The following STAT3 variants were observed in gnomAD, a reference collection of about 807,000 sequenced individuals.
The protein encoded by STAT3 is signal transducer and activator of transcription 3, also known as DNA-binding protein APRF.
Under a neutral mutation model 114.3 loss-of-function variants are expected in STAT3, and 7 were observed. The ratio of observed to expected loss-of-function variants is 0.06; its 90% CI spans 0.03 to 0.11. STAT3 has a LOEUF of 0.11. Ranked by LOEUF, STAT3 falls within the 10% of genes least tolerant of loss-of-function variation. The pLI is 1.00. For missense variants in STAT3, 364 were observed against 960.9 expected (o/e 0.38, Z 8.21); for synonymous variants, 331 against 354.5 (o/e 0.93, Z 0.74).
chr17:42,334,150 A>G, intron 8 of STAT3, 101 bp from the exon 9 acceptor site: 1 of 1,359,004 alleles, frequency 7.4e-7, no homozygotes, highest in Non-Finnish European at 1.0e-6. Context: ...CCACTACAAT[A>G]AGAACAAGGA....
chr17:42,318,298 T>G (rs2081331608), intron 21 of STAT3, among the ~76,000 whole-genome samples: 1 of 152,056 alleles, frequency 6.6e-6, no homozygotes, highest in Non-Finnish European at 1.5e-5. Flanking sequence ...ATTTTTTTTT[T>G]GTAATTTTAG....
At chr17:42,376,043 C>T (rs1007420885) in intron 1 of STAT3, among the ~76,000 whole-genome samples, 6 of 151,086 alleles carry the variant, frequency 4.0e-5, no homozygotes, top group East Asian at 1.9e-4. Flanking sequence ...CCCAGCTACT[C>T]GGGAGGCTGA....
chr17:42,335,324 G>A (rs933100218), intron 8 of STAT3, among the ~76,000 whole-genome samples: 3 of 152,068 alleles, frequency 2.0e-5, no homozygotes, highest in African/African-American at 7.2e-5. Flanking sequence ...GTCTCACTCT[G>A]TCACCCAGGC....
chr17:42,371,220 AAG>A (rs1203826749), intron 1 of STAT3, among the ~76,000 whole-genome samples: 2 of 152,018 alleles, frequency 1.3e-5, no homozygotes, highest in Non-Finnish European at 2.9e-5. Flanking sequence ...AGAAAAGTTT[AAG>A]AGTTATATTT....
intron 1 of STAT3, among the ~76,000 whole-genome samples, chr17:42,354,740 G>C (rs2083145233): frequency 6.7e-6 from 1 of 148,346 alleles, no homozygotes; most frequent in Non-Finnish European, 1.5e-5. Context: ...CTGGGAGGCA[G>C]AGGTTGCAGT....
At chr17:42,366,625 T>G (rs1385962739) in intron 1 of STAT3, among the ~76,000 whole-genome samples, 1 of 143,926 alleles carries the variant, frequency 6.9e-6, no homozygotes, top group Non-Finnish European at 1.5e-5. Flanking sequence ...AAGCTGAGAT[T>G]GCACCACTGC....
chr17:42,318,462 A>T (rs2081338902), intron 21 of STAT3, among the ~76,000 whole-genome samples: 1 of 152,142 alleles, frequency 6.6e-6, no homozygotes, highest in African/African-American at 2.4e-5. Context: ...TCTTTTATGT[A>T]TAAAATAAGA....
chr17:42,355,504 T>C (rs944277574), intron 1 of STAT3, among the ~76,000 whole-genome samples: 2 of 152,164 alleles, frequency 1.3e-5, no homozygotes, highest in African/African-American at 2.4e-5. Context: ...CAGCAGATAG[T>C]AGATGCACTG....
chr17:42,356,320 G>A (rs988709220), intron 1 of STAT3, among the ~76,000 whole-genome samples: 2 of 152,004 alleles, frequency 1.3e-5, no homozygotes, highest in Admixed American at 6.6e-5. Context: ...ATGTTGCCAG[G>A]TGTGGTGGTC....
intron 11 of STAT3, among the ~76,000 whole-genome samples, chr17:42,330,928 C>T (rs905934092): frequency 1.1e-4 from 16 of 152,082 alleles, no homozygotes; most frequent in Non-Finnish European, 2.1e-4. Flanking sequence ...TGATGGTGGT[C>T]CCATAAGATT....
In STAT3 at chr17:42,313,996, G is replaced by A. The variant is rs769760865; in HGVS notation, c.*1749C>T. Reference sequence around the variant, plus strand: ...AGCTGAGGCAAGGTGGTTTTGAGTTGCCAAATCCGGCCATGCCTCTGAGTC... The same window carrying A: ...AGCTGAGGCAAGGTGGTTTTGAGTTACCAAATCCGGCCATGCCTCTGAGTC... On this transcript the variant is annotated 3_prime_UTR_variant, in exon 24 of 24. Coordinates refer to ENST00000264657, the MANE Select transcript of STAT3 (RefSeq NM_139276.3). The A allele has an allele frequency of 2.2e-5, 5 of 230,526 alleles. No individual in the cohort carries two copies. The highest frequency in any genetic ancestry group is 5.7e-5 in the Admixed American group (1 of 17,662). 14.3% of individuals were successfully genotyped at this position (230,526 alleles called of 1,614,324 possible).
chr17:42,333,775 G>C lies in STAT3; in HGVS notation c.957-10C>G. The stretch of plus-strand genomic sequence containing the variant: ...CTCCACCACAAAGGCACTGAGGAAA[G>C]AGAAGATGGGCTCACGCGCCACGGC... On this transcript the variant is annotated splice_polypyrimidine_tract_variant and intron_variant, in intron 9 of 23. Coordinates refer to ENST00000264657, the MANE Select transcript of STAT3 (RefSeq NM_139276.3). This position sits in a 1 kb window ranked among gnomAD's most constrained non-coding sequence, Gnocchi z 5.2. The C allele has an allele frequency of 1.2e-6, 2 of 1,614,204 alleles. No individual in the cohort carries two copies. Among genetic ancestry groups the C allele is most frequent in the Non-Finnish European group, 1.7e-6 (2 of 1,180,040 alleles).
At chr17:42,367,642 T>C (rs1343979646) in intron 1 of STAT3, among the ~76,000 whole-genome samples, 1 of 152,202 alleles carries the variant, frequency 6.6e-6, no homozygotes, top group Non-Finnish European at 1.5e-5. Flanking sequence ...GACACCCCTC[T>C]ATCTAAAACA....
chr17:42,340,596 C>A (rs1033848881), intron 4 of STAT3, among the ~76,000 whole-genome samples: 3 of 152,002 alleles, frequency 2.0e-5, no homozygotes, highest in Non-Finnish European at 4.4e-5. Flanking sequence ...GTGGGAGGAT[C>A]ATTTAAGTCC....
chr17:42,345,445 T>G (rs1053939438), intron 4 of STAT3, 114 bp downstream of exon 4: 45 of 866,840 alleles, frequency 5.2e-5, no homozygotes, highest in Admixed American at 1.3e-4. Context: ...TGATTATTGA[T>G]CTATTTAATT....
At position 42,352,411 on chromosome 17, in the gene STAT3, G is replaced by A. The variant is rs111982743; in HGVS notation, c.-23-3872C>T. ...CCACAGGACAAATGCTGCCTGGGCA[G>A]TGGTACAGGTACACTAAGCACTAGC... On this transcript the variant is annotated intron_variant, in intron 1 of 23. Transcript: ENST00000264657. 4.0e-3 allele frequency among the ~76,000 whole-genome samples: 611 copies of A among 152,266 alleles called. 3 individuals are homozygous for A. The highest frequency in any genetic ancestry group is 6.1e-3 in the Non-Finnish European group (413 of 68,016).
At chr17:42,374,109 C>T (rs2084320224) in intron 1 of STAT3, 2 of 152,148 alleles carry the variant, frequency 1.3e-5, no homozygotes, top group Admixed American at 1.3e-4. Context: ...CAGAGAATAT[C>T]TCATTTTGTC....
chr17:42,317,909 T>C (rs1256360372), intron 21 of STAT3, among the ~76,000 whole-genome samples: 1 of 152,194 alleles, frequency 6.6e-6, no homozygotes, highest in Non-Finnish European at 1.5e-5. Context: ...ACATCTTCAA[T>C]AGCTAAGAGA....
At chr17:42,373,503 G>A (rs1231566111) in intron 1 of STAT3, among the ~76,000 whole-genome samples, 2 of 152,054 alleles carry the variant, frequency 1.3e-5, no homozygotes, top group Non-Finnish European at 2.9e-5. Flanking sequence ...AGTGAGCCAA[G>A]ATCACACCAC....
Sources: gnomAD v4.1 joint callset for allele counts (sites outside exome capture counted in the v4.1 genomes callset) on GRCh38, gnomAD v4.1.1 for gene constraint, Gnocchi (gnomAD v3.1) non-coding constraint, MANE v1.5 for transcripts, NCBI Gene and HGNC (gene_info 2026-07-23, HGNC 2026-07-21) for gene names.